Variants in WWP1 observed in about 807,000 individuals in gnomAD.
WWP1 encodes the protein WW domain containing E3 ubiquitin protein ligase 1.
Under a neutral mutation model 130.6 loss-of-function variants are expected in WWP1, and 49 were observed. The observed-to-expected ratio is 0.38, with a 90% CI of 0.30 to 0.48. The LOEUF is 0.48. WWP1 is among the 20% of genes least tolerant of loss of function. WWP1 has a pLI of 0.99. For synonymous variants in WWP1, 332 were observed against 367.8 expected, an observed-to-expected ratio of 0.90 and a Z score of 1.11; for missense variants, 809 against 1,100.6, an observed-to-expected ratio of 0.74 and a Z score of 3.75.
In WWP1 at chr8:86,452,754, G is replaced by A. The variant is rs866564582; in HGVS notation, c.2394+75G>A. 26 of 1,541,288 alleles carry A rather than the reference G, an allele frequency of 1.7e-5. No individual in the cohort carries two copies. In the South Asian group the frequency reaches 2.2e-4, roughly 13 times the overall value. On this transcript the variant is annotated intron_variant, in intron 21 of 24. Transcript: ENST00000517970. ...ACTAATTTAGTGCTTTTACAGAACA[G>A]TGTTCACACATTTTAAAATCCTGTA...
chr8:86,419,483 A>G (rs144337448), intron 9 of WWP1, among the ~76,000 whole-genome samples: 167 of 152,310 alleles, frequency 1.1e-3, no homozygotes, highest in Non-Finnish European at 2.1e-3. Context: ...CAACATACAT[A>G]CAACAAGAAC....
chr8:86,425,950 CTA>C lies in WWP1; in HGVS notation c.1157+634_1157+635del, dbSNP rs376274992. 5.8e-3 allele frequency among the ~76,000 whole-genome samples: 885 copies of C among 152,292 alleles called. 8 individuals carry two copies. Among genetic ancestry groups the C allele is most frequent in the African/African-American group, 0.02 (845 of 41,548 alleles). On this transcript the variant is annotated intron_variant, in intron 10 of 24. Transcript: ENST00000517970. Reference sequence around the variant, plus strand: ...GTTTGCATTCATTTACTCACACATTCTATGTGTACCTGGAATATATTTCTTAC... The same window carrying C: ...GTTTGCATTCATTTACTCACACATTCTGTGTACCTGGAATATATTTCTTAC...
At chr8:86,388,946 C>T (rs1563487627) in intron 5 of WWP1, among the ~76,000 whole-genome samples, 2 of 152,034 alleles carry the variant, frequency 1.3e-5, no homozygotes, top group African/African-American at 4.8e-5. Context: ...ATAAAGATGA[C>T]TTTGTTGTTT....
chr8:86,423,109 C>T (rs1452937317), intron 9 of WWP1, among the ~76,000 whole-genome samples: 1 of 144,140 alleles, frequency 6.9e-6, no homozygotes, highest in Non-Finnish European at 1.5e-5. Flanking sequence ...TTATTGAATA[C>T]CTAAAATGTA....
At chr8:86,380,982 G>T in intron 4 of WWP1, 118 bp downstream of exon 4, 2 of 1,242,000 alleles carry the variant, frequency 1.6e-6, no homozygotes, top group South Asian at 2.4e-5. Context: ...AGTGTGGATC[G>T]ACAATTTAAA....
Position 86,394,933 on chromosome 8 carries a change from T to TAAAAAAAA in WWP1, c.335-3394_335-3387dup, listed in dbSNP as rs10694206. 3.9e-5 allele frequency among the ~76,000 whole-genome samples: 3 copies of TAAAAAAAA among 76,408 alleles called. 1 individual carries two copies. Among genetic ancestry groups the TAAAAAAAA allele is most frequent in the Admixed American group, 1.6e-4 (1 of 6,436 alleles). The allele number at this position is 76,408 out of a possible 152,430, so 50.1% of individuals were successfully genotyped here. On this transcript the variant is annotated intron_variant, in intron 5 of 24. Transcript: ENST00000517970. ...CAAAAAGGTAGAGGGCTGTTCTTCT[T>TAAAAAAAA]AAAAAAAAAAAAAAAAAAAAAAGCC...
chr8:86,349,662 T>C (rs1249863916), intron 1 of WWP1, among the ~76,000 whole-genome samples: 2 of 152,096 alleles, frequency 1.3e-5, no homozygotes. Flanking sequence ...CAAATGGGAA[T>C]ACCTAGCACT....
chr8:86,345,483 C>T (rs1822520074), intron 1 of WWP1, among the ~76,000 whole-genome samples: 1 of 152,136 alleles, frequency 6.6e-6, no homozygotes, highest in African/African-American at 2.4e-5. Flanking sequence ...CTTCTGGGCT[C>T]ATTGCAACCT....
chr8:86,387,646 G>A lies in WWP1; in HGVS notation c.334+6017G>A, dbSNP rs185589258. Among the ~76,000 whole-genome samples the A allele has an allele frequency of 3.1e-3, 474 of 151,982 alleles. 1 individual carries two copies. The highest frequency in any genetic ancestry group is 0.01 in the African/African-American group (419 of 41,440). ...TCCCACCTCAGCCTCCTGAGTAACT[G>A]GGGTTACAGACGTGTGCTACCATGC... On this transcript the variant is annotated intron_variant, in intron 5 of 24. Coordinates refer to ENST00000517970, the MANE Select transcript of WWP1 (RefSeq NM_007013.4).
chr8:86,379,923 A>G (rs1221139796), intron 3 of WWP1, among the ~76,000 whole-genome samples: 1 of 152,194 alleles, frequency 6.6e-6, no homozygotes, highest in Admixed American at 6.5e-5. Context: ...TGATAGGAAT[A>G]TAAAATGGTG....
At chr8:86,372,719 T>C (rs1456102495) in intron 2 of WWP1, among the ~76,000 whole-genome samples, 1 of 152,190 alleles carries the variant, frequency 6.6e-6, no homozygotes, top group Non-Finnish European at 1.5e-5. Context: ...TTTATGTGGG[T>C]TTGTCCTTAT....
intron 14 of WWP1, 50 bp from the exon 15 acceptor site, chr8:86,435,402 A>G: frequency 6.4e-7 from 1 of 1,562,626 alleles, no homozygotes; most frequent in Non-Finnish European, 8.8e-7. Context: ...TGAATACTAA[A>G]TATTCAACTT....
rs922528692 is a variant in WWP1, at chr8:86,373,759, C to T, written c.-21-271C>T. 2.0e-5 allele frequency among the ~76,000 whole-genome samples: 3 copies of T among 152,120 alleles called. No individual in the cohort carries two copies. In the South Asian group the frequency reaches 6.2e-4, roughly 32 times the overall value. On this transcript the variant is annotated intron_variant, in intron 2 of 24. Coordinates refer to ENST00000517970, the MANE Select transcript of WWP1 (RefSeq NM_007013.4). ...TTGGTATGGGAATCTCACTCCTTCC[C>T]CTTGTAGCAGGCCCAGTGCTTTGTC...
chr8:86,435,196 G>A (rs994727816), intron 14 of WWP1, among the ~76,000 whole-genome samples: 1 of 152,150 alleles, frequency 6.6e-6, no homozygotes, highest in African/African-American at 2.4e-5. Flanking sequence ...AGTAGACTTT[G>A]ATATTTCATT....
At chr8:86,441,673 A>G (rs1194348221) in intron 17 of WWP1, among the ~76,000 whole-genome samples, 15 of 152,186 alleles carry the variant, frequency 9.9e-5, no homozygotes, top group Admixed American at 9.8e-4. Context: ...TATGGTGTCC[A>G]CCACTGCCCA....
At chr8:86,401,874 A>G (rs1363337351) in intron 7 of WWP1, 145 bp from the exon 8 acceptor site, 2 of 763,798 alleles carry the variant, frequency 2.6e-6, no homozygotes, top group Non-Finnish European at 3.8e-6. Context: ...TAAAAACTCA[A>G]TTGTTTGGAA....
At chr8:86,384,101 C>T (rs931428257) in intron 5 of WWP1, among the ~76,000 whole-genome samples, 3 of 152,210 alleles carry the variant, frequency 2.0e-5, no homozygotes, top group South Asian at 2.1e-4. Context: ...TATGTGTCTG[C>T]GTCCAAATTT....
At chr8:86,382,961 A>G (rs1487580054) in intron 5 of WWP1, among the ~76,000 whole-genome samples, 1 of 152,214 alleles carries the variant, frequency 6.6e-6, no homozygotes, top group Non-Finnish European at 1.5e-5. Context: ...GTTATCTTTA[A>G]AAAGGTTCTT....
chr8:86,427,535 G>A (rs1440472085), intron 10 of WWP1, 108 bp from the exon 11 acceptor site: 17 of 1,163,672 alleles, frequency 1.5e-5, no homozygotes, highest in Middle Eastern at 6.1e-4. Context: ...ATATGTTTTA[G>A]TTATTTTAAC....
Sources: allele counts gnomAD v4.1 joint callset (sites outside exome capture counted in the v4.1 genomes callset), GRCh38; gene constraint gnomAD v4.1.1; transcripts MANE v1.5; gene names NCBI Gene and HGNC (gene_info 2026-07-23, HGNC 2026-07-21).